Variants in CYREN observed in about 807,000 individuals in gnomAD.
The protein encoded by CYREN is cell cycle regulator of non-homologous end joining.
In CYREN, 7 loss-of-function variants were observed where a neutral mutation model predicts 9.7. The observed-to-expected ratio is 0.72, with a 90% CI of 0.41 to 1.36. The LOEUF (loss-of-function observed/expected upper bound fraction) is 1.36. Ranked by LOEUF, CYREN falls within the 40% of genes most tolerant of loss-of-function variation. The pLI is 0.01. For synonymous variants in CYREN, 76 were observed against 77.9 expected, an observed-to-expected ratio of 0.98 and a Z score of 0.13; for missense variants, 215 against 198.1, an observed-to-expected ratio of 1.09 and a Z score of -0.51.
chr7:135,140,980 T>C (rs1420551598), intron 2 of CYREN, among the ~76,000 whole-genome samples: 1 of 152,094 alleles, frequency 6.6e-6, no homozygotes, highest in African/African-American at 2.4e-5. Flanking sequence ...GAGGATTTTT[T>C]CCTCTATGTT....
At chr7:135,112,786 T>G (rs1261491109) in intron 2 of CYREN, among the ~76,000 whole-genome samples, 1 of 152,194 alleles carries the variant, frequency 6.6e-6, no homozygotes, top group African/African-American at 2.4e-5. Flanking sequence ...TTATTTTTAT[T>G]TTTTTGAGAT....
rs779173777 is a variant in CYREN, at chr7:135,166,611, C to G, written c.474G>C (p.Ter158TyrextTer64). 3.8e-6 allele frequency: 6 copies of G among 1,589,642 alleles called. No homozygotes were observed. In the South Asian group the frequency reaches 5.6e-5, roughly 15 times the overall value. ...LKYVREIFFS[*>Y] ...GACAGTTCAGTGCACAGTTTATGCC[C>G]TAGCTGAAAAAGATCTCCCGGACGT... Residue 158 changes from the stop codon to tyrosine, a stop_lost, in exon 4 of 4, where the codon TAG becomes TAC. Transcript: ENST00000393114.
intron 2 of CYREN, among the ~76,000 whole-genome samples, chr7:135,102,740 C>A (rs1824039392): frequency 6.6e-6 from 1 of 151,206 alleles, no homozygotes; most frequent in South Asian, 2.1e-4. Context: ...TTAACCCTAA[C>A]CCTTGTCTTA....
chr7:135,156,838 T>C (rs1829806187), intron 2 of CYREN, among the ~76,000 whole-genome samples: 1 of 152,190 alleles, frequency 6.6e-6, no homozygotes. Context: ...TCCCACATGT[T>C]GTGAGAGGGG....
chr7:135,164,460 C>G (rs988297687), downstream of CYREN: 1 of 1,599,838 alleles, frequency 6.3e-7, no homozygotes, highest in Admixed American at 1.7e-5. Context: ...CCCAAGGCCT[C>G]GGTGGCGCGA....
chr7:135,092,471 C>G (rs933238993), exon 3 of CYREN: 4 of 152,066 alleles, frequency 2.6e-5, no homozygotes, highest in Non-Finnish European at 5.9e-5. Flanking sequence ...CATTGTTGTT[C>G]ATGTTCTTTT....
chr7:135,134,813 A>G, intron 2 of CYREN: 1 of 1,540,640 alleles, frequency 6.5e-7, no homozygotes, highest in Non-Finnish European at 8.8e-7. Flanking sequence ...TGATGGACAA[A>G]AATTCACGTA....
At chr7:135,132,114 A>T (rs925846773) in intron 2 of CYREN, among the ~76,000 whole-genome samples, 1 of 152,210 alleles carries the variant, frequency 6.6e-6, no homozygotes, top group Non-Finnish European at 1.5e-5. Flanking sequence ...ATTAATACCA[A>T]TTCTATACAA....
intron 2 of CYREN, among the ~76,000 whole-genome samples, chr7:135,115,044 G>A (rs957443925): frequency 6.6e-6 from 1 of 151,982 alleles, no homozygotes; most frequent in Non-Finnish European, 1.5e-5. Flanking sequence ...CCTTTGTCTC[G>A]AATTATCTTT....
intron 2 of CYREN, among the ~76,000 whole-genome samples, chr7:135,105,447 A>G (rs532897687): frequency 1.3e-5 from 2 of 152,354 alleles, no homozygotes; most frequent in African/African-American, 2.4e-5. Flanking sequence ...AATCTTCTGC[A>G]TATGGCTAGC....
chr7:135,095,518 G>A (rs557618043), intron 2 of CYREN, among the ~76,000 whole-genome samples: 1 of 152,230 alleles, frequency 6.6e-6, no homozygotes, highest in Admixed American at 6.5e-5. Flanking sequence ...AAACCCCATA[G>A]TAAAGGCCTA....
intron 2 of CYREN, among the ~76,000 whole-genome samples, chr7:135,137,680 T>C (rs1829378380): frequency 6.6e-6 from 1 of 151,514 alleles, no homozygotes; most frequent in Non-Finnish European, 1.5e-5. Context: ...GAGAGTGGAG[T>C]GAAACATTTA....
intron 2 of CYREN, among the ~76,000 whole-genome samples, chr7:135,157,245 C>T (rs1437903782): frequency 6.6e-6 from 1 of 152,096 alleles, no homozygotes; most frequent in Non-Finnish European, 1.5e-5. Context: ...AGAATTTTTT[C>T]CTGAGGATAT....
In CYREN at chr7:135,168,899, A is replaced by C. The variant is rs1192661775; in HGVS notation, c.24T>G (p.Thr8=). ...GCCATGAGGGAAGGACCCTCGTTTT[A>C]GTCTCGGATTGTAAGGTTTCCATCT... is the stretch of plus-strand genomic sequence containing the variant. METLQSE[T]KTRVLPSWLT... is the part of the protein sequence containing the mutation. The change falls in exon 2 of 4, where the codon ACT becomes ACG. Residue 8 remains threonine (T), a synonymous_variant. Coordinates refer to ENST00000393114, the MANE Select transcript of CYREN (RefSeq NM_024033.4). 1 of 1,611,608 alleles carries C rather than the reference A, an allele frequency of 6.2e-7. No homozygotes were observed. The highest frequency in any genetic ancestry group is 1.1e-5 in the South Asian group (1 of 90,828).
At chr7:135,129,633 C>T in intron 2 of CYREN, 1 of 779,210 alleles carries the variant, frequency 1.3e-6, no homozygotes, top group Non-Finnish European at 2.4e-6. Context: ...ATGTCTTAAA[C>T]AGCTGTTTTA....
intron 2 of CYREN, among the ~76,000 whole-genome samples, chr7:135,150,475 G>A (rs1281569743): frequency 1.3e-5 from 2 of 152,152 alleles, no homozygotes; most frequent in Non-Finnish European, 2.9e-5. Flanking sequence ...GATTCCCCAG[G>A]GCCTCTGATT....
chr7:135,120,200 A>C (rs1826944020), intron 2 of CYREN, among the ~76,000 whole-genome samples: 2 of 152,226 alleles, frequency 1.3e-5, no homozygotes, highest in Admixed American at 6.5e-5. Flanking sequence ...GCAAAAATAC[A>C]GGTAGATATA....
Position 135,128,693 on chromosome 7 carries a change from T to C in CYREN, n.357-34111A>G. 7.5e-6 allele frequency: 10 copies of C among 1,328,216 alleles called. No homozygotes were observed. The South Asian group carries it at 9.7e-5, about 13-fold the overall frequency. The allele number at this position is 1,328,216 out of a possible 1,614,324, so 82.3% of individuals were successfully genotyped here. A position where few individuals can be genotyped will look rare whatever the true frequency, so the allele number is the denominator to read the frequency against. ...TAGTATACCTGAATATTGTCTCTCC[T>C]TTTGAGCTCAAGATTGATTCTCAGA... On this transcript the variant is annotated intron_variant and non_coding_transcript_variant, in intron 2 of 2. Coordinates refer to the CYREN transcript ENST00000459937.
At chr7:135,148,154 C>T in intron 2 of CYREN, 2 of 448,240 alleles carry the variant, frequency 4.5e-6, no homozygotes, top group South Asian at 1.6e-5. Context: ...CCCTTCCACT[C>T]CTCCTTTCTG....
Sources: allele counts gnomAD v4.1 joint callset (sites outside exome capture counted in the v4.1 genomes callset), GRCh38; gene constraint gnomAD v4.1.1; transcripts MANE v1.5; gene names NCBI Gene and HGNC (gene_info 2026-07-23, HGNC 2026-07-21).